Variants in DOCK11 observed in about 807,000 individuals in gnomAD.
DOCK11 encodes the protein dedicator of cytokinesis 11, also known as dedicator of cytokinesis protein 11.
In DOCK11, 70 loss-of-function variants were observed where a neutral mutation model predicts 169.1. That is an observed-to-expected ratio of 0.41 (90% CI 0.34 to 0.51). DOCK11 has a LOEUF of 0.51. DOCK11 is among the 20% of genes least tolerant of loss of function. DOCK11 has a pLI of 0.10. For synonymous variants in DOCK11, 529 were observed against 541.3 expected, an observed-to-expected ratio of 0.98 and a Z score of 0.32; for missense variants, 1,166 against 1,538.8, an observed-to-expected ratio of 0.76 and a Z score of 4.05.
chrX:118,575,797 C>T lies in DOCK11; in HGVS notation c.1389+1779C>T, dbSNP rs2013425460. ...ATTTCCTGCACAATATCAAATAAGT[C>T]ATTTTAAGCCAATGTGTATTTCCCG... On this transcript the variant is annotated intron_variant, in intron 12 of 52. Transcript: ENST00000276202. Among the ~76,000 whole-genome samples, 2 of 112,404 alleles carry T rather than the reference C, an allele frequency of 1.8e-5. 1 individual carries two copies. The highest frequency in any genetic ancestry group is 7.3e-4 in the South Asian group (2 of 2,736).
chrX:118,533,060 C>G (rs912620000), intron 1 of DOCK11, among the ~76,000 whole-genome samples: 27 of 111,221 alleles, frequency 2.4e-4, no homozygotes, highest in Admixed American at 2.3e-3. Flanking sequence ...GTCATGGTCT[C>G]CGCTCACTGC....
chrX:118,542,422 C>T (rs781718023), intron 1 of DOCK11, among the ~76,000 whole-genome samples: 2 of 110,680 alleles, frequency 1.8e-5, no homozygotes, highest in Non-Finnish European at 3.8e-5. Context: ...CCACCTTCCT[C>T]AGCCTCCCAA....
chrX:118,568,370 TTATATATATATATATA>T (rs397839351), intron 10 of DOCK11, among the ~76,000 whole-genome samples: 9,357 of 36,541 alleles, frequency 0.26, 1,297 homozygotes, highest in East Asian at 0.38. Flanking sequence ...TGGGGCTGAA[TTATATATATATATATA>T]TATATATATA....
intron 16 of DOCK11, among the ~76,000 whole-genome samples, chrX:118,587,263 G>A (rs779208610): frequency 9.0e-6 from 1 of 111,672 alleles, no homozygotes; most frequent in Non-Finnish European, 1.9e-5. Context: ...TATAGTGTAG[G>A]ATTTTCATAT....
chrX:118,504,068 T>C, intron 1 of DOCK11, among the ~76,000 whole-genome samples: 1 of 110,635 alleles, frequency 9.0e-6, no homozygotes, highest in Non-Finnish European at 1.9e-5. Context: ...AGTACGCAAA[T>C]AACCTACAGA....
At chrX:118,587,498 G>A (rs774422787) in intron 16 of DOCK11, among the ~76,000 whole-genome samples, 1 of 111,713 alleles carries the variant, frequency 9.0e-6, no homozygotes, top group South Asian at 3.8e-4. Flanking sequence ...CATCATTACT[G>A]CTCTGCAGCA....
intron 6 of DOCK11, among the ~76,000 whole-genome samples, chrX:118,557,763 CAAAAAAAAAAAAA>C (rs773728594): frequency 4.5e-4 from 11 of 24,334 alleles, no homozygotes; most frequent in Non-Finnish European, 6.9e-4. Flanking sequence ...GACTCTGTCT[CAAAAAAAAAAAAA>C]AAAAAAAAAA....
chrX:118,608,152 TA>T lies in DOCK11; in HGVS notation c.2751+14del, dbSNP rs746834406. The T allele has an allele frequency of 1.3e-5, 16 of 1,195,981 alleles. No individual in the cohort carries two copies. Among genetic ancestry groups the T allele is most frequent in the Non-Finnish European group, 1.8e-5 (16 of 888,937 alleles). On this transcript the variant is annotated intron_variant, in intron 25 of 52. Coordinates refer to ENST00000276202, the MANE Select transcript of DOCK11 (RefSeq NM_144658.4). ...AGATCATTCATAAAGGTTTGTGGAG[TA>T]AAGTTTCTTTCTGAGCAATTTGTTT...
At chrX:118,614,329 C>T (rs952143948) in intron 28 of DOCK11, among the ~76,000 whole-genome samples, 1 of 111,315 alleles carries the variant, frequency 9.0e-6, no homozygotes, top group African/African-American at 3.3e-5. Flanking sequence ...GAGGTCAACT[C>T]GCTTGGGCTT....
At chrX:118,645,078 T>C (rs1335085229) in intron 40 of DOCK11, among the ~76,000 whole-genome samples, 2 of 111,672 alleles carry the variant, frequency 1.8e-5, no homozygotes, top group Non-Finnish European at 3.8e-5. Flanking sequence ...CCACTGACAG[T>C]ATGGTGGAGT....
intron 42 of DOCK11, among the ~76,000 whole-genome samples, chrX:118,652,349 T>C (rs1424746536): frequency 9.0e-6 from 1 of 111,712 alleles, no homozygotes; most frequent in East Asian, 2.8e-4. Flanking sequence ...TCTGAATTTT[T>C]TTTTTCTGGG....
At chrX:118,634,575 G>A (rs936760055) in intron 35 of DOCK11, among the ~76,000 whole-genome samples, 3 of 112,514 alleles carry the variant, frequency 2.7e-5, no homozygotes, top group Admixed American at 1.9e-4. Context: ...AGGAGAGGGA[G>A]GCCAGCACCC....
In DOCK11 at chrX:118,610,335, A is replaced by G. The variant is rs761360614; in HGVS notation, c.3013A>G (p.Ile1005Val). The G allele has an allele frequency of 5.0e-6, 6 of 1,209,209 alleles. No homozygotes were observed. Among genetic ancestry groups the G allele is most frequent in the Middle Eastern group, 2.3e-4 (1 of 4,374 alleles). Residue 1005 changes from isoleucine to valine, a missense_variant, in exon 28 of 53, where the codon ATA becomes GTA. Coordinates refer to ENST00000276202, the MANE Select transcript of DOCK11 (RefSeq NM_144658.4). The part of the protein sequence containing the change: ...HHVLHSLLLA[I>V]IPHVTIRYAE... ...TGTCTTACATTCACTGCTTCTTGCA[A>G]TAATTCCCCATGTGACTATTCGGTA...
At chrX:118,652,660 C>G (rs929815606) in intron 42 of DOCK11, among the ~76,000 whole-genome samples, 17 of 111,959 alleles carry the variant, frequency 1.5e-4, no homozygotes, top group African/African-American at 5.5e-4. Flanking sequence ...TTCCTATATG[C>G]TTAAAACTTA....
intron 1 of DOCK11, among the ~76,000 whole-genome samples, chrX:118,506,692 C>T (rs1186792921): frequency 1.8e-5 from 2 of 111,982 alleles, no homozygotes; most frequent in Non-Finnish European, 3.8e-5. Flanking sequence ...TGGAAACATA[C>T]GTTTTAATAG....
chrX:118,540,754 C>T (rs2011961342), intron 1 of DOCK11, among the ~76,000 whole-genome samples: 1 of 111,632 alleles, frequency 9.0e-6, no homozygotes, highest in African/African-American at 3.3e-5. Flanking sequence ...CTATTCTCAA[C>T]TTTTCTATGG....
intron 40 of DOCK11, among the ~76,000 whole-genome samples, chrX:118,647,507 TATA>T (rs1469427798): frequency 1.5e-5 from 1 of 67,972 alleles, no homozygotes; most frequent in African/African-American, 6.5e-5. Context: ...TAATATATTA[TATA>T]ATAATATAAT....
Position 118,573,752 on chromosome X carries a change from C to T in DOCK11, c.1177-54C>T, listed in dbSNP as rs145549701. The T allele has an allele frequency of 1.6e-3, 1,642 of 1,044,902 alleles. 16 individuals are homozygous for T. In the African/African-American group the frequency reaches 0.027, roughly 17 times the overall value. The allele number at this position is 1,044,902 out of a possible 1,213,427, so 86.1% of individuals were successfully genotyped here. A position where few individuals can be genotyped will look rare whatever the true frequency, so the allele number is the denominator to read the frequency against. On this transcript the variant is annotated intron_variant, in intron 11 of 52. Coordinates refer to ENST00000276202, the MANE Select transcript of DOCK11 (RefSeq NM_144658.4). ...CTTATTTTGCACTTGTGCCCCTCCC[C>T]GCCATGCCCCCACTAAAGTCTCAGT...
At chrX:118,644,750 A>G (rs766646151) in intron 40 of DOCK11, among the ~76,000 whole-genome samples, 5 of 112,182 alleles carry the variant, frequency 4.5e-5, no homozygotes, top group South Asian at 7.5e-4. Flanking sequence ...AAAGATGTAA[A>G]TGGAGTACAG....
Sources: allele counts gnomAD v4.1 joint callset (sites outside exome capture counted in the v4.1 genomes callset), GRCh38; gene constraint gnomAD v4.1.1; transcripts MANE v1.5; gene names NCBI Gene and HGNC (gene_info 2026-07-23, HGNC 2026-07-21).